Variants in CEP72 observed in about 807,000 individuals in gnomAD.
The protein encoded by CEP72 is centrosomal protein of 72 kDa.
Under a neutral mutation model 65.7 loss-of-function variants are expected in CEP72, and 78 were observed. That is an observed-to-expected ratio of 1.19 (90% CI 0.99 to 1.43). The LOEUF (loss-of-function observed/expected upper bound fraction) is 1.43, where lower values mean the gene tolerates loss of function less well. CEP72 is among the 40% of genes most tolerant of loss of function. The pLI is 0.00. For synonymous variants in CEP72, 358 were observed against 351.7 expected, an observed-to-expected ratio of 1.02 and a Z score of -0.20; for missense variants, 914 against 832.9, an observed-to-expected ratio of 1.10 and a Z score of -1.20.
chr5:652,036 TGG>T (rs1739140648), intron 11 of CEP72, among the ~76,000 whole-genome samples: 1 of 152,132 alleles, frequency 6.6e-6, no homozygotes, highest in African/African-American at 2.4e-5. Flanking sequence ...AAGATGAGAC[TGG>T]GCCAAGAGGA....
At position 666,022 on chromosome 5, in the gene CEP72, C is replaced by T. The variant is rs371896286; in HGVS notation, n.515C>T. The stretch of plus-strand genomic sequence containing the variant: ...GCCCTCGATGAGCCTGTGCACCTCG[C>T]GAACGGCCTCCTCGCTGCTCTTGTC... On this transcript the variant is annotated non_coding_transcript_exon_variant, in exon 4 of 5. Coordinates refer to the CEP72 transcript ENST00000514507. The T allele has an allele frequency of 3.7e-5, 59 of 1,610,058 alleles. No homozygotes were observed. In the African/African-American group the frequency reaches 3.8e-4, roughly 10 times the overall value.
downstream of CEP72, among the ~76,000 whole-genome samples, chr5:669,545 C>G (rs6898393): frequency 0.028 from 4,196 of 152,258 alleles, 179 homozygotes; most frequent in African/African-American, 0.094. Flanking sequence ...CCCACCCTGC[C>G]CAAGCTGACA....
At chr5:670,948 C>T (rs185589790), downstream of CEP72, among the ~76,000 whole-genome samples, 1 of 152,212 alleles carries the variant, frequency 6.6e-6, no homozygotes, top group Non-Finnish European at 1.5e-5. Flanking sequence ...CTTCCTGCAC[C>T]CTACTTGGCT....
In CEP72 at chr5:624,412, G is replaced by T; in HGVS notation, c.404-59G>T. 1 of 1,251,718 alleles carries T rather than the reference G, an allele frequency of 8.0e-7. No homozygotes were observed. Among genetic ancestry groups the T allele is most frequent in the Non-Finnish European group, 1.2e-6 (1 of 853,004 alleles). 77.5% of individuals were successfully genotyped at this position (1,251,718 alleles called of 1,614,324 possible). Reference sequence around the variant, plus strand: ...CCCTGCCCCGTGTAGATGCCCCAGGGTGGATGCAGCCGCCCGCCGCTTGCC... The same window carrying T: ...CCCTGCCCCGTGTAGATGCCCCAGGTTGGATGCAGCCGCCCGCCGCTTGCC... On this transcript the variant is annotated intron_variant, in intron 3 of 11. Coordinates refer to ENST00000264935, the MANE Select transcript of CEP72 (RefSeq NM_018140.4). This position sits in a 1 kb window ranked among gnomAD's most constrained non-coding sequence, Gnocchi z 4.7.
intron 4 of CEP72, among the ~76,000 whole-genome samples, chr5:627,653 T>G (rs928458895): frequency 6.6e-6 from 1 of 152,216 alleles, no homozygotes; most frequent in Non-Finnish European, 1.5e-5. Flanking sequence ...TGTCTGCCAT[T>G]TTTTGCTGAC....
At chr5:648,841 GT>G (rs1738654111) in intron 11 of CEP72, among the ~76,000 whole-genome samples, 1 of 131,858 alleles carries the variant, frequency 7.6e-6, no homozygotes, top group Admixed American at 7.2e-5. Flanking sequence ...TGACTGTGAG[GT>G]GTGGACTGTG....
chr5:645,445 G>A lies in CEP72; in HGVS notation c.1666+1020G>A, dbSNP rs371305738. Among the ~76,000 whole-genome samples the A allele has an allele frequency of 2.0e-5, 3 of 149,154 alleles. No individual in the cohort carries two copies. Among genetic ancestry groups the A allele is most frequent in the Non-Finnish European group, 3.0e-5 (2 of 67,512 alleles). ...AACCGTGTCCATTCAACATCATTTCGTCGTAAAGGTGATGAGAAAAAAAAA... is the reference window on the plus strand; with the variant it reads ...AACCGTGTCCATTCAACATCATTTCATCGTAAAGGTGATGAGAAAAAAAAA... On this transcript the variant is annotated intron_variant, in intron 10 of 11. Transcript: ENST00000264935. This position sits in a 1 kb window ranked among gnomAD's most constrained non-coding sequence, Gnocchi z 4.0.
intron 10 of CEP72, among the ~76,000 whole-genome samples, 182 bp from the exon 11 acceptor site, chr5:647,623 C>T (rs977298097): frequency 2.6e-5 from 4 of 152,224 alleles, no homozygotes; most frequent in Non-Finnish European, 4.4e-5. Context: ...AGAAACAGCA[C>T]AGGGAGGGGC....
chr5:623,625 C>T lies in CEP72; in HGVS notation c.404-846C>T, dbSNP rs908017151. On this transcript the variant is annotated intron_variant, in intron 3 of 11. Coordinates refer to ENST00000264935, the MANE Select transcript of CEP72 (RefSeq NM_018140.4). The surrounding 1 kb of genome is among the most constrained non-coding windows in gnomAD (Gnocchi z 5.3). The stretch of plus-strand genomic sequence containing the variant: ...GGCAGAGAGCTATGCGTCGTTAGTG[C>T]GGGGCTGGTGAAGGCCGGGGTGGAA... Among the ~76,000 whole-genome samples the T allele has an allele frequency of 4.7e-5, 7 of 147,870 alleles. No individual in the cohort carries two copies. Among genetic ancestry groups the T allele is most frequent in the African/African-American group, 9.9e-5 (4 of 40,358 alleles).
chr5:618,429 G>A (rs1175236993), intron 1 of CEP72, among the ~76,000 whole-genome samples: 3 of 151,604 alleles, frequency 2.0e-5, no homozygotes, highest in Non-Finnish European at 4.4e-5. Flanking sequence ...ATGTGTTAAA[G>A]TTTGTCTTTC....
chr5:648,021 C>G (rs1437797339), intron 11 of CEP72, 105 bp downstream of exon 11: 1 of 671,062 alleles, frequency 1.5e-6, no homozygotes, highest in African/African-American at 1.8e-5. Context: ...AGGAGCAGCT[C>G]CTCATGAGTC....
At chr5:660,659 G>A (rs1471464045), downstream of CEP72, 1 of 152,340 alleles carries the variant, frequency 6.6e-6, no homozygotes, top group Non-Finnish European at 1.5e-5. Flanking sequence ...CAGGGCCAAG[G>A]CATCTCCATC....
the CEP72 span, among the ~76,000 whole-genome samples, chr5:672,641 C>T: frequency 6.6e-6 from 1 of 152,228 alleles, no homozygotes; most frequent in Non-Finnish European, 1.5e-5. Flanking sequence ...CCCAGGGGTC[C>T]TGAGGCACCC....
rs1739240573 is a variant in CEP72, at chr5:653,410, A to G, written c.*257A>G. 3 of 352,008 alleles carry G rather than the reference A, an allele frequency of 8.5e-6. No individual in the cohort carries two copies. The highest frequency in any genetic ancestry group is 2.1e-5 in the African/African-American group (1 of 47,710). The allele number at this position is 352,008 out of a possible 1,614,324, so 21.8% of individuals were successfully genotyped here. A position where few individuals can be genotyped will look rare whatever the true frequency, so the allele number is the denominator to read the frequency against. On this transcript the variant is annotated 3_prime_UTR_variant, in exon 12 of 12. Transcript: ENST00000264935. ...ATATTTTGAGACAAACTGACTATTA[A>G]TCTTGTATCCAGTATCCTGAGATGA...
In CEP72 at chr5:642,603, C is replaced by T. The variant is rs1357162151; in HGVS notation, c.1540-1696C>T. 29 of 985,382 alleles carry T rather than the reference C, an allele frequency of 2.9e-5. No individual in the cohort carries two copies. The South Asian group carries it at 4.2e-4, about 14-fold the overall frequency. The allele number at this position is 985,382 out of a possible 1,614,324, so 61.0% of individuals were successfully genotyped here. A position where few individuals can be genotyped will look rare whatever the true frequency, so the allele number is the denominator to read the frequency against. On this transcript the variant is annotated intron_variant, in intron 9 of 11. Coordinates refer to ENST00000264935, the MANE Select transcript of CEP72 (RefSeq NM_018140.4). ...GAGAGTCACATGCAGCTGTGGCTGC[C>T]GTGGACGCCTGCTTTTTTGCCCTCT... is the stretch of plus-strand genomic sequence containing the variant.
At chr5:667,077 A>T (rs113665893) in exon 5 of CEP72, 1 of 151,204 alleles carries the variant, frequency 6.6e-6, no homozygotes, top group Admixed American at 6.6e-5. Flanking sequence ...GACCCATAAA[A>T]CCCCAGCAAG....
chr5:628,632 T>C (rs1215511154), intron 4 of CEP72, among the ~76,000 whole-genome samples: 2 of 110,818 alleles, frequency 1.8e-5, no homozygotes, highest in African/African-American at 6.1e-5. Context: ...CCCCGGGGAG[T>C]GGCCCCAGGA....
chr5:641,488 T>C, intron 9 of CEP72: 1 of 985,346 alleles, frequency 1.0e-6, no homozygotes, highest in Non-Finnish European at 1.2e-6. Flanking sequence ...GGAACCAACA[T>C]CTCAGAGATC....
the CEP72 span, among the ~76,000 whole-genome samples, chr5:674,420 G>A: frequency 6.6e-6 from 1 of 150,798 alleles, no homozygotes; most frequent in African/African-American, 2.5e-5. Context: ...TCTGGACCTG[G>A]CGGCCACACT....
Sources: gnomAD v4.1 joint callset for allele counts (sites outside exome capture counted in the v4.1 genomes callset) on GRCh38, gnomAD v4.1.1 for gene constraint, Gnocchi (gnomAD v3.1) non-coding constraint, MANE v1.5 for transcripts, NCBI Gene and HGNC (gene_info 2026-07-23, HGNC 2026-07-21) for gene names.